Variants in CNNM1 observed in about 807,000 individuals in gnomAD.
The protein encoded by CNNM1 is metal transporter CNNM1.
A neutral mutation model predicts 78.8 loss-of-function variants in CNNM1; 44 were observed. That is an observed-to-expected ratio of 0.56 (90% CI 0.44 to 0.72). The LOEUF is 0.72. Ranked by LOEUF, CNNM1 falls within the 30% of genes least tolerant of loss-of-function variation. The pLI is 0.00. For synonymous variants in CNNM1, 584 were observed against 581.5 expected, an observed-to-expected ratio of 1.00 and a Z score of -0.06; for missense variants, 1,101 against 1,292.2, an observed-to-expected ratio of 0.85 and a Z score of 2.27.
At chr10:99,341,176 T>C (rs765552844) in intron 1 of CNNM1, among the ~76,000 whole-genome samples, 6 of 151,184 alleles carry the variant, frequency 4.0e-5, no homozygotes, top group African/African-American at 7.3e-5. Flanking sequence ...TGAGAAGGAG[T>C]TCATCAGAGG....
Position 99,388,306 on chromosome 10 carries a change from G to A in CNNM1, c.2674+5G>A. The stretch of plus-strand genomic sequence containing the variant: ...CAGCCGTTCCCACGAGAGCAGGTCA[G>A]GGAGGCCAGCTGGGCCCAGTGCAGC... On this transcript the variant is annotated splice_donor_5th_base_variant and intron_variant, in intron 9 of 10. Transcript: ENST00000356713. The A allele has an allele frequency of 6.2e-7, 1 of 1,612,682 alleles. No individual in the cohort carries two copies. Among genetic ancestry groups the A allele is most frequent in the Non-Finnish European group, 8.5e-7 (1 of 1,179,478 alleles).
intron 6 of CNNM1, among the ~76,000 whole-genome samples, chr10:99,370,928 G>A (rs761084094): frequency 6.6e-6 from 1 of 152,132 alleles, no homozygotes. Flanking sequence ...TGGGAGATAG[G>A]CAGGAATAGT....
At chr10:99,360,809 G>A (rs771339136) in intron 2 of CNNM1, 26 bp from the exon 3 acceptor site, 29 of 1,571,506 alleles carry the variant, frequency 1.8e-5, no homozygotes, top group Non-Finnish European at 2.3e-5. Context: ...TGAGATAGCT[G>A]TAATCTGTCC....
intron 4 of CNNM1, among the ~76,000 whole-genome samples, chr10:99,362,733 C>T (rs2031483567): frequency 6.6e-6 from 1 of 152,080 alleles, no homozygotes; most frequent in African/African-American, 2.4e-5. Flanking sequence ...TTGAACATCC[C>T]CTGAAATGAA....
rs371072149 is a variant in CNNM1, at chr10:99,381,738, C to T, written c.2340+4520C>T. Among the ~76,000 whole-genome samples the T allele has an allele frequency of 3.4e-5, 5 of 149,054 alleles. No individual in the cohort carries two copies. In the East Asian group the frequency reaches 7.8e-4, roughly 23 times the overall value. On this transcript the variant is annotated intron_variant, in intron 7 of 10. Coordinates refer to ENST00000356713, the MANE Select transcript of CNNM1 (RefSeq NM_020348.3). Reference sequence around the variant, plus strand: ...AGCCTGGGCGACAAGAGCGAAACTCCGTCTCAAAAAAAAAAACCAAAAAAC... The same window carrying T: ...AGCCTGGGCGACAAGAGCGAAACTCTGTCTCAAAAAAAAAAACCAAAAAAC...
chr10:99,390,247 C>G (rs1370289162), intron 9 of CNNM1, 59 bp from the exon 10 acceptor site: 3 of 1,231,002 alleles, frequency 2.4e-6, no homozygotes, highest in African/African-American at 3.0e-5. Context: ...GAATCACCCT[C>G]TCTTGATGCC....
intron 6 of CNNM1, among the ~76,000 whole-genome samples, chr10:99,376,556 CT>C (rs565468275): frequency 2.0e-5 from 3 of 152,240 alleles, no homozygotes; most frequent in Non-Finnish European, 4.4e-5. Context: ...AACCCAAGGC[CT>C]TGGCCTTTCT....
intron 6 of CNNM1, chr10:99,368,538 A>C: frequency 1.1e-6 from 1 of 891,476 alleles, no homozygotes; most frequent in Non-Finnish European, 1.6e-6. Flanking sequence ...TGTCTCACCC[A>C]CTTTGTTCTT....
chr10:99,356,605 A>AAAG (rs1491432735), intron 1 of CNNM1, among the ~76,000 whole-genome samples: 688 of 56,172 alleles, frequency 0.012, 4 homozygotes, highest in African/African-American at 0.02. Context: ...AGAAAGAAAG[A>AAAG]AAAGAAAGAA....
intron 7 of CNNM1, among the ~76,000 whole-genome samples, chr10:99,386,994 A>T (rs1298758655): frequency 6.6e-6 from 1 of 152,202 alleles, no homozygotes; most frequent in East Asian, 1.9e-4. Flanking sequence ...CCAGCCGCTG[A>T]TGAGTGGTTT....
At position 99,357,508 on chromosome 10, in the gene CNNM1, C is replaced by G; in HGVS notation, c.1574-4C>G. 6.2e-7 allele frequency: 1 copy of G among 1,608,070 alleles called. No individual in the cohort carries two copies. Among genetic ancestry groups the G allele is most frequent in the Non-Finnish European group, 8.5e-7 (1 of 1,177,966 alleles). On this transcript the variant is annotated splice_polypyrimidine_tract_variant and splice_region_variant and intron_variant, in intron 1 of 10. Transcript: ENST00000356713. ...ACTTAACTGTGATTTCATTTGTTCT[C>G]TAGGAAAATCTCACCTGGCCATTGT... is the stretch of plus-strand genomic sequence containing the variant.
intron 4 of CNNM1, 84 bp from the exon 5 acceptor site, chr10:99,364,333 C>A: frequency 1.0e-6 from 1 of 982,962 alleles, no homozygotes; most frequent in South Asian, 1.5e-5. Context: ...GTTATCCAAG[C>A]AGAAATGCTT....
intron 1 of CNNM1, among the ~76,000 whole-genome samples, chr10:99,335,953 A>G (rs1380877304): frequency 2.0e-5 from 3 of 152,180 alleles, no homozygotes; most frequent in African/African-American, 7.2e-5. Context: ...GCCCACCCTT[A>G]TGCCATCATT....
chr10:99,380,802 A>C (rs1197801571), intron 7 of CNNM1, among the ~76,000 whole-genome samples: 3 of 150,904 alleles, frequency 2.0e-5, no homozygotes, highest in Non-Finnish European at 4.4e-5. Context: ...AAAAAAAAAA[A>C]AGAGAAAACA....
rs542398616 is a variant in CNNM1, at chr10:99,330,139, C to G, written c.752C>G (p.Pro251Arg). 6.5e-7 allele frequency: 1 copy of G among 1,547,396 alleles called. No homozygotes were observed. The highest frequency in any genetic ancestry group is 1.2e-5 in the South Asian group (1 of 84,898). ...GLRLSLLSLD[P>R]VELRVLRNSG... ...CGCCTGAGCCTGCTGTCGCTGGACC[C>G]GGTGGAGTTACGGGTGCTGCGGAAC... The change falls in exon 1 of 11, where the codon CCG becomes CGG. Residue 251 changes from proline (P) to arginine (R), a missense_variant. Transcript: ENST00000356713.
chr10:99,357,540 G>A lies in CNNM1; in HGVS notation c.1602G>A (p.Arg534=). 1 of 1,613,644 alleles carries A rather than the reference G, an allele frequency of 6.2e-7. No individual in the cohort carries two copies. Among genetic ancestry groups the A allele is most frequent in the African/African-American group, 1.3e-5 (1 of 74,992 alleles). Residue 534 remains arginine, a synonymous_variant, in exon 2 of 11, where the codon CGG becomes CGA. Coordinates refer to ENST00000356713, the MANE Select transcript of CNNM1 (RefSeq NM_020348.3). ...AATCTCACCTGGCCATTGTCCAGCG[G>A]GTGAATAATGAGGGAGAAGGGGACC... The part of the protein sequence containing the change: ...KGKSHLAIVQ[R]VNNEGEGDPF...
chr10:99,368,533 C>T (rs900130702), intron 6 of CNNM1: 3 of 801,316 alleles, frequency 3.7e-6, no homozygotes, highest in Admixed American at 2.3e-5. Flanking sequence ...CAGACTGTCT[C>T]ACCCACTTTG....
At chr10:99,363,740 CT>C (rs869281521) in intron 4 of CNNM1, among the ~76,000 whole-genome samples, 4,279 of 121,838 alleles carry the variant, frequency 0.035, 83 homozygotes, top group African/African-American at 0.11. Flanking sequence ...TAGATTTTAT[CT>C]TTTTTTTTTT....
chr10:99,356,558 C>CAGAA (rs1355245134), intron 1 of CNNM1, among the ~76,000 whole-genome samples: 1,388 of 45,606 alleles, frequency 0.03, 15 homozygotes, highest in Non-Finnish European at 0.052. Flanking sequence ...GACAGACAGA[C>CAGAA]AGACAGAAAG....
Sources: allele counts gnomAD v4.1 joint callset (sites outside exome capture counted in the v4.1 genomes callset), GRCh38; gene constraint gnomAD v4.1.1; transcripts MANE v1.5; gene names NCBI Gene and HGNC (gene_info 2026-07-23, HGNC 2026-07-21).